FOXN3: variants seen among roughly 807,000 people sequenced by gnomAD.
The protein encoded by FOXN3 is forkhead box N3, also known as forkhead box protein N3.
In FOXN3, 7 loss-of-function variants were observed where a neutral mutation model predicts 38.4. The ratio of observed to expected loss-of-function variants is 0.18; its 90% CI spans 0.10 to 0.34. FOXN3 has a LOEUF of 0.34. Among genes scored for constraint, FOXN3 ranks in the 10% least tolerant of loss-of-function variants. The pLI, the probability that FOXN3 is intolerant of heterozygous loss-of-function variation, is 1.00. For synonymous variants in FOXN3, 230 were observed against 242.2 expected (o/e 0.95, Z 0.47); for missense variants, 456 against 613.4 (o/e 0.74, Z 2.71).
chr14:89,395,272 C>A (rs1400456762), intron 2 of FOXN3, among the ~76,000 whole-genome samples: 2 of 152,164 alleles, frequency 1.3e-5, no homozygotes, highest in Non-Finnish European at 2.9e-5. Flanking sequence ...ATTCTGCTTA[C>A]AGATGAATGA....
At chr14:89,605,796 G>A (rs989718165) in intron 1 of FOXN3, among the ~76,000 whole-genome samples, 5 of 152,074 alleles carry the variant, frequency 3.3e-5, no homozygotes, top group African/African-American at 9.7e-5. Flanking sequence ...ACACAAAAGT[G>A]TAAGAAGAAT....
intron 2 of FOXN3, among the ~76,000 whole-genome samples, chr14:89,359,866 G>C (rs1010916254): frequency 2.6e-5 from 4 of 152,186 alleles, no homozygotes; most frequent in African/African-American, 9.7e-5. Context: ...CCCTGGCTGG[G>C]GCAGCTGGGC....
intron 3 of FOXN3, among the ~76,000 whole-genome samples, chr14:89,300,646 T>C (rs1028498029): frequency 6.6e-6 from 1 of 152,160 alleles, no homozygotes; most frequent in Admixed American, 6.5e-5. Flanking sequence ...CATCCCATAG[T>C]CCACCACGAA....
chr14:89,447,050 G>C (rs918856141), intron 1 of FOXN3, among the ~76,000 whole-genome samples: 1 of 152,058 alleles, frequency 6.6e-6, no homozygotes, highest in African/African-American at 2.4e-5. Flanking sequence ...TACAAAATTA[G>C]CCGGGTGTGG....
In FOXN3 at chr14:89,163,011, G is replaced by C. The variant is rs748983466; in HGVS notation, c.852-42C>G. The C allele has an allele frequency of 3.3e-6, 5 of 1,496,836 alleles. No homozygotes were observed. The African/African-American group carries it at 7.0e-5, about 21-fold the overall frequency. The allele number at this position is 1,496,836 out of a possible 1,614,324, so 92.7% of individuals were successfully genotyped here. On this transcript the variant is annotated intron_variant, in intron 5 of 5. Coordinates refer to ENST00000557258, the MANE Select transcript of FOXN3 (RefSeq NM_005197.4). This position sits in a 1 kb window ranked among gnomAD's most constrained non-coding sequence, Gnocchi z 4.3. Reference sequence around the variant, plus strand: ...GTGGGGAGGGACGGGAGACAAAGAAGGGACACAGTTAGACGTCCTCAGATG... The same window carrying C: ...GTGGGGAGGGACGGGAGACAAAGAACGGACACAGTTAGACGTCCTCAGATG...
intron 3 of FOXN3, among the ~76,000 whole-genome samples, chr14:89,311,755 G>A (rs1887556364): frequency 6.6e-6 from 1 of 152,138 alleles, no homozygotes; most frequent in African/African-American, 2.4e-5. Flanking sequence ...GAACCTGGGA[G>A]GCAGAGGTTG....
chr14:89,521,386 CAGAT>C (rs1410714559), intron 1 of FOXN3, among the ~76,000 whole-genome samples: 1 of 130,316 alleles, frequency 7.7e-6, no homozygotes, highest in African/African-American at 3.2e-5. Flanking sequence ...GAGAGAGAGA[CAGAT>C]AGAATAAAAA....
intron 1 of FOXN3, among the ~76,000 whole-genome samples, chr14:89,544,815 C>T (rs568086221): frequency 6.6e-6 from 1 of 152,284 alleles, no homozygotes; most frequent in African/African-American, 2.4e-5. Context: ...AGGGATGATT[C>T]ATGCACCGGG....
At chr14:89,367,484 G>A (rs965759486) in intron 2 of FOXN3, among the ~76,000 whole-genome samples, 7 of 152,286 alleles carry the variant, frequency 4.6e-5, no homozygotes, top group African/African-American at 1.4e-4. Context: ...TGTCAGCGCT[G>A]GGTAAGATAT....
rs1156999685 is a variant in FOXN3, at chr14:89,511,247, T to TTTCTTTCTTTCTTTCTTTC, written c.-14-98758_-14-98757insGAAAGAAAGAAAGAAAGAA. Among the ~76,000 whole-genome samples, 2 of 11,270 alleles carry TTTCTTTCTTTCTTTCTTTC rather than the reference T, an allele frequency of 1.8e-4. 1 individual carries two copies. 7.4% of individuals were successfully genotyped at this position (11,270 alleles called of 152,430 possible). ...TCTTTCTTTTCTTTCCTTTTCTTTC[T>TTTCTTTCTTTCTTTCTTTC]TTTCTTTCTTTCTTTCTTTCTTTCT... On this transcript the variant is annotated intron_variant, in intron 1 of 6. Coordinates refer to the FOXN3 transcript ENST00000345097.
intron 4 of FOXN3, among the ~76,000 whole-genome samples, chr14:89,235,273 C>G (rs1884945895): frequency 6.6e-6 from 1 of 152,188 alleles, no homozygotes; most frequent in Non-Finnish European, 1.5e-5. Context: ...GATTCCCTCA[C>G]TGTCTCTTTG....
At chr14:89,304,828 C>G (rs1025251457) in intron 3 of FOXN3, among the ~76,000 whole-genome samples, 2 of 151,810 alleles carry the variant, frequency 1.3e-5, no homozygotes, top group African/African-American at 4.8e-5. Flanking sequence ...CACCGAAGTG[C>G]CTGGTGGAGC....
At chr14:89,430,019 C>T (rs1053448814) in intron 1 of FOXN3, among the ~76,000 whole-genome samples, 3 of 152,208 alleles carry the variant, frequency 2.0e-5, no homozygotes, top group Admixed American at 2.0e-4. Flanking sequence ...TAAGCAGACA[C>T]AGCTGTTACA....
chr14:89,502,481 T>C (rs1413120290), intron 1 of FOXN3, among the ~76,000 whole-genome samples: 1 of 152,262 alleles, frequency 6.6e-6, no homozygotes, highest in East Asian at 1.9e-4. Flanking sequence ...ATTGACAACA[T>C]TTGGCATTAT....
intron 1 of FOXN3, among the ~76,000 whole-genome samples, chr14:89,584,978 A>G (rs953986509): frequency 6.6e-6 from 1 of 152,124 alleles, no homozygotes; most frequent in Non-Finnish European, 1.5e-5. Flanking sequence ...AGCCTCCCGA[A>G]GTGCTGGGAT....
At chr14:89,549,466 C>T (rs960338914) in intron 1 of FOXN3, among the ~76,000 whole-genome samples, 8 of 152,108 alleles carry the variant, frequency 5.3e-5, no homozygotes, top group African/African-American at 1.9e-4. Context: ...TCCGGAAAGA[C>T]GCATCCTCTG....
rs58288291 is a variant in FOXN3 at position 89,604,206 on chromosome 14, AACACACAC to A, written c.-15+14814_-15+14821del. Among the ~76,000 whole-genome samples, 1,387 of 146,826 alleles carry A rather than the reference AACACACAC, an allele frequency of 9.4e-3. 14 individuals are homozygous for A. The highest frequency in any genetic ancestry group is 0.028 in the South Asian group (128 of 4,590). On this transcript the variant is annotated intron_variant, in intron 1 of 6. Coordinates refer to the FOXN3 transcript ENST00000345097. ...AGTTTCCAAAAACAAAGCAAAACAA[AACACACAC>A]ACACACACACACACACACACACACA...
chr14:89,287,521 T>C (rs947931713), intron 3 of FOXN3, among the ~76,000 whole-genome samples: 4 of 152,084 alleles, frequency 2.6e-5, no homozygotes, highest in Non-Finnish European at 5.9e-5. Flanking sequence ...CACAGCAACA[T>C]TGTGGCCATT....
At chr14:89,165,538 C>T (rs1887218371) in intron 5 of FOXN3, among the ~76,000 whole-genome samples, 3 of 152,214 alleles carry the variant, frequency 2.0e-5, no homozygotes, top group Admixed American at 6.5e-5. Context: ...TCCTCCAGGG[C>T]TTGCCTGTGA....
Sources: gnomAD v4.1 joint callset for allele counts (sites outside exome capture counted in the v4.1 genomes callset) on GRCh38, gnomAD v4.1.1 for gene constraint, Gnocchi (gnomAD v3.1) non-coding constraint, MANE v1.5 for transcripts, NCBI Gene and HGNC (gene_info 2026-07-23, HGNC 2026-07-21) for gene names.